The following CHSY3 variants were observed in gnomAD, a reference collection of about 807,000 sequenced individuals.
CHSY3 encodes chondroitin sulfate synthase 3.
CHSY3 carries 35 observed loss-of-function variants against 67.2 expected under a neutral mutation model. The ratio of observed to expected loss-of-function variants is 0.52; its 90% CI spans 0.40 to 0.69. The LOEUF (loss-of-function observed/expected upper bound fraction) is 0.69. Ranked by LOEUF, CHSY3 falls within the 30% of genes least tolerant of loss-of-function variation. CHSY3 has a pLI of 0.00. For missense variants in CHSY3, 1,069 were observed against 1,138.5 expected, an observed-to-expected ratio of 0.94 and a Z score of 0.88; for synonymous variants, 474 against 434.7, an observed-to-expected ratio of 1.09 and a Z score of -1.12.
chr5:129,991,052 A>T (rs894011860), intron 2 of CHSY3, among the ~76,000 whole-genome samples: 11 of 152,148 alleles, frequency 7.2e-5, no homozygotes, highest in African/African-American at 2.4e-5. Flanking sequence ...TCACAAGGAG[A>T]CAGAAAGTAG....
At chr5:130,028,908 C>T (rs978874653) in intron 2 of CHSY3, among the ~76,000 whole-genome samples, 1 of 151,914 alleles carries the variant, frequency 6.6e-6, no homozygotes, top group Non-Finnish European at 1.5e-5. Context: ...GTCTCTCCCC[C>T]ACATCTGCTT....
intron 2 of CHSY3, among the ~76,000 whole-genome samples, chr5:129,991,444 T>C (rs1035893838): frequency 5.3e-5 from 8 of 152,158 alleles, no homozygotes; most frequent in African/African-American, 1.9e-4. Context: ...GTATCTCAGG[T>C]ATGAAATTTC....
Position 129,951,833 on chromosome 5 carries a change from TA to T in CHSY3, c.1086+43474del, listed in dbSNP as rs554907454. On this transcript the variant is annotated intron_variant, in intron 2 of 2. Coordinates refer to ENST00000305031, the MANE Select transcript of CHSY3 (RefSeq NM_175856.5). ...AAGGCAGACTTCTCCAGGTATGTAA[TA>T]TTTTTTTAAATTATCTGTTTTGGCA... is the stretch of plus-strand genomic sequence containing the variant. Among the ~76,000 whole-genome samples the T allele has an allele frequency of 8.3e-3, 1,270 of 152,344 alleles. 15 individuals carry two copies. The highest frequency in any genetic ancestry group is 0.035 in the South Asian group (169 of 4,832).
chr5:129,952,739 C>T (rs982102744), intron 2 of CHSY3, among the ~76,000 whole-genome samples: 1 of 152,008 alleles, frequency 6.6e-6, no homozygotes, highest in African/African-American at 2.4e-5. Context: ...TGGTAGTTGC[C>T]TAGGAAACAC....
chr5:130,143,734 G>GTATATATATATATATATA (rs372062970), intron 2 of CHSY3, among the ~76,000 whole-genome samples: 5 of 94,656 alleles, frequency 5.3e-5, no homozygotes, highest in African/African-American at 2.2e-4. Flanking sequence ...GTGTGTGTGT[G>GTATATATATATATATATA]TATATATATA....
rs747762735 is a variant in CHSY3 at position 130,184,816 on chromosome 5, A to C, written c.1674A>C (p.Arg558Ser). ...GAAGGAAACTGACTGTGCCAGTGAG[A>C]CGTCATGCCTATCTTCAGCAGTTGT... Reference protein sequence around the residue: ...HKGRKLTVPVRRHAYLQQLFS... With the variant: ...HKGRKLTVPVSRHAYLQQLFS... The change falls in exon 3 of 3, where the codon AGA becomes AGC. Residue 558 changes from arginine (R) to serine (S), a missense_variant. Around this residue, in one of 5 missense-constraint regions of CHSY3, gnomAD observed 401 missense variants for 395.2 expected, o/e 1.01. Coordinates refer to ENST00000305031, the MANE Select transcript of CHSY3 (RefSeq NM_175856.5). 5.6e-6 allele frequency: 9 copies of C among 1,610,752 alleles called. No homozygotes were observed. The highest frequency in any genetic ancestry group is 7.6e-6 in the Non-Finnish European group (9 of 1,176,880).
At position 130,185,723 on chromosome 5, in the gene CHSY3, A is replaced by G; in HGVS notation, c.2581A>G (p.Thr861Ala). Residue 861 changes from threonine (T) to alanine (A), a missense_variant, in exon 3 of 3, where the codon ACC (threonine) becomes GCC (alanine). Thr to Ala is a moderately conservative substitution (Grantham distance 58, BLOSUM62 0). Transcript: ENST00000305031. ...LGSKASTFAS[T>A]MQLAELWLEK... is the part of the protein sequence containing the mutation. The stretch of plus-strand genomic sequence containing the variant: ...ATCCAAGGCAAGTACTTTCGCCTCA[A>G]CCATGCAACTGGCTGAACTCTGGCT... 4 of 1,613,306 alleles carry G rather than the reference A, an allele frequency of 2.5e-6. No homozygotes were observed. The South Asian group carries it at 4.4e-5, about 18-fold the overall frequency.
chr5:130,183,718 G>A (rs534805800), intron 2 of CHSY3, among the ~76,000 whole-genome samples: 30 of 152,250 alleles, frequency 2.0e-4, no homozygotes, highest in African/African-American at 7.2e-4. Flanking sequence ...TAGGACTAGA[G>A]TGTGGAATGT....
chr5:130,111,259 T>C (rs951196055), intron 2 of CHSY3, among the ~76,000 whole-genome samples: 3 of 150,722 alleles, frequency 2.0e-5, no homozygotes, highest in Non-Finnish European at 2.9e-5. Context: ...TAATCTGCTA[T>C]ACTGTGTTTT....
intron 2 of CHSY3, among the ~76,000 whole-genome samples, chr5:129,918,941 A>C (rs909109926): frequency 3.4e-5 from 5 of 147,956 alleles, no homozygotes; most frequent in African/African-American, 5.0e-5. Context: ...CCCCGTCTCT[A>C]CTAAAAATAC....
chr5:130,012,947 G>A (rs903794778), intron 2 of CHSY3, among the ~76,000 whole-genome samples: 1 of 151,812 alleles, frequency 6.6e-6, no homozygotes, highest in Admixed American at 6.6e-5. Context: ...CTACCTATGA[G>A]CCTGTAAAAT....
At chr5:130,077,929 A>G (rs116436994) in intron 2 of CHSY3, among the ~76,000 whole-genome samples, 1,990 of 152,216 alleles carry the variant, frequency 0.013, 35 homozygotes, top group African/African-American at 0.045. Context: ...ATTTCTAAAG[A>G]AACCTAAATG....
intron 2 of CHSY3, among the ~76,000 whole-genome samples, chr5:129,981,903 C>G (rs956386613): frequency 6.6e-6 from 1 of 152,148 alleles, no homozygotes; most frequent in African/African-American, 2.4e-5. Flanking sequence ...GAATTTTTAT[C>G]ATGAATGAGT....
intron 2 of CHSY3, among the ~76,000 whole-genome samples, chr5:130,096,072 A>G (rs999561640): frequency 8.5e-5 from 13 of 152,204 alleles, no homozygotes; most frequent in African/African-American, 3.1e-4. Context: ...ACTGTTACGG[A>G]CTCAGGGTGA....
At chr5:130,126,677 A>G (rs1768301484) in intron 2 of CHSY3, among the ~76,000 whole-genome samples, 1 of 152,198 alleles carries the variant, frequency 6.6e-6, no homozygotes, top group African/African-American at 2.4e-5. Context: ...AGTAGACTAA[A>G]TCTTGAATGG....
intron 2 of CHSY3, among the ~76,000 whole-genome samples, chr5:130,138,780 T>A (rs1376831066): frequency 6.6e-6 from 1 of 152,216 alleles, no homozygotes; most frequent in African/African-American, 2.4e-5. Context: ...ATATATTAAC[T>A]GAAGAGCTCA....
At chr5:130,147,144 T>C (rs990241659) in intron 2 of CHSY3, among the ~76,000 whole-genome samples, 1 of 152,148 alleles carries the variant, frequency 6.6e-6, no homozygotes, top group Non-Finnish European at 1.5e-5. Flanking sequence ...TTCCACATGA[T>C]ATATCTGAGA....
chr5:129,957,988 TTTC>T (rs1459567788), intron 2 of CHSY3, among the ~76,000 whole-genome samples: 4 of 152,106 alleles, frequency 2.6e-5, no homozygotes, highest in Non-Finnish European at 5.9e-5. Context: ...CTTTCATGTT[TTTC>T]TTCTTCTGAG....
At chr5:130,021,552 A>G (rs868510056) in intron 2 of CHSY3, among the ~76,000 whole-genome samples, 5 of 151,974 alleles carry the variant, frequency 3.3e-5, no homozygotes, top group African/African-American at 9.7e-5. Context: ...TGTTCACACA[A>G]CCTGTTTTTC....
Sources: gnomAD v4.1 joint callset for allele counts (sites outside exome capture counted in the v4.1 genomes callset) on GRCh38, gnomAD v4.1.1 for gene constraint, gnomAD v4.1.1 regional missense constraint, MANE v1.5 for transcripts, NCBI Gene and HGNC (gene_info 2026-07-23, HGNC 2026-07-21) for gene names.